BABAM2: variants seen among roughly 807,000 people sequenced by gnomAD.
BABAM2 encodes the protein BRISC and BRCA1-A complex member 2.
Under a neutral mutation model 54.7 loss-of-function variants are expected in BABAM2, and 31 were observed. The ratio of observed to expected loss-of-function variants is 0.57; its 90% CI spans 0.43 to 0.77. The LOEUF is 0.77. Among genes scored for constraint, BABAM2 ranks in the 30% least tolerant of loss-of-function variants. BABAM2 has a pLI of 0.00. For missense variants in BABAM2, 364 were observed against 455.8 expected, an observed-to-expected ratio of 0.80 and a Z score of 1.83; for synonymous variants, 167 against 162.9, an observed-to-expected ratio of 1.03 and a Z score of -0.19.
chr2:27,892,747 A>G (rs1664962299), intron 1 of BABAM2, among the ~76,000 whole-genome samples: 1 of 152,168 alleles, frequency 6.6e-6, no homozygotes, highest in Non-Finnish European at 1.5e-5. Flanking sequence ...AAAAAAGTAC[A>G]TGATTTTTAT....
At chr2:28,031,796 G>A (rs1035650448) in intron 5 of BABAM2, among the ~76,000 whole-genome samples, 3 of 152,174 alleles carry the variant, frequency 2.0e-5, no homozygotes, top group African/African-American at 4.8e-5. Flanking sequence ...GAAGGTGGAC[G>A]TAGATGGCTC....
At chr2:28,028,608 T>C (rs1174082628) in intron 5 of BABAM2, among the ~76,000 whole-genome samples, 1 of 152,222 alleles carries the variant, frequency 6.6e-6, no homozygotes, top group Non-Finnish European at 1.5e-5. Context: ...TTCCACTTCA[T>C]TGGTATTCCA....
chr2:27,890,178 C>G (rs959210944), upstream of BABAM2: 2 of 1,414,862 alleles, frequency 1.4e-6, no homozygotes, highest in Non-Finnish European at 2.0e-6. The surrounding 1 kb of genome is among the most constrained non-coding windows in gnomAD (Gnocchi z 4.8). Context: ...ACCCAGCGCC[C>G]AAAAGCTCCA....
At chr2:28,166,403 A>G (rs1386563343) in intron 7 of BABAM2, among the ~76,000 whole-genome samples, 1 of 152,178 alleles carries the variant, frequency 6.6e-6, no homozygotes, top group Non-Finnish European at 1.5e-5. Flanking sequence ...TATCCTATCA[A>G]CCAAAATAGT....
At chr2:27,920,097 C>T (rs1384932789) in intron 2 of BABAM2, among the ~76,000 whole-genome samples, 2 of 152,054 alleles carry the variant, frequency 1.3e-5, no homozygotes, top group Non-Finnish European at 2.9e-5. Context: ...CTTGATGTAT[C>T]AAGAATATCA....
chr2:28,121,953 G>T (rs919725415), intron 6 of BABAM2, among the ~76,000 whole-genome samples: 1 of 152,090 alleles, frequency 6.6e-6, no homozygotes, highest in Non-Finnish European at 1.5e-5. Flanking sequence ...AGTGACTCAC[G>T]CCTGTAATCC....
chr2:28,090,896 G>C (rs781275486), intron 6 of BABAM2, among the ~76,000 whole-genome samples: 3 of 152,064 alleles, frequency 2.0e-5, no homozygotes, highest in African/African-American at 4.8e-5. Flanking sequence ...CTGAAAATTA[G>C]GATACATTAT....
chr2:28,170,242 C>CATGCATGT (rs1344692423), intron 7 of BABAM2, among the ~76,000 whole-genome samples: 1 of 151,938 alleles, frequency 6.6e-6, no homozygotes, highest in African/African-American at 2.4e-5. Flanking sequence ...ATAATATATA[C>CATGCATGT]ATGCATGTGC....
upstream of BABAM2, among the ~76,000 whole-genome samples, chr2:27,889,649 T>C (rs942298372): frequency 6.6e-6 from 1 of 152,238 alleles, no homozygotes; most frequent in Non-Finnish European, 1.5e-5. Flanking sequence ...TTGTAAATAC[T>C]GTGTTTATGT....
chr2:28,152,499 T>C (rs1307849725), intron 7 of BABAM2, among the ~76,000 whole-genome samples: 2 of 152,158 alleles, frequency 1.3e-5, no homozygotes, highest in African/African-American at 4.8e-5. Flanking sequence ...CAGGAGCTGA[T>C]AACGGGAAGG....
intron 7 of BABAM2, among the ~76,000 whole-genome samples, chr2:28,224,311 T>C (rs185605218): frequency 2.2e-3 from 338 of 152,300 alleles, no homozygotes; most frequent in Admixed American, 6.5e-3. Flanking sequence ...CTTATTGTTG[T>C]CCCTAAATGG....
intron 6 of BABAM2, among the ~76,000 whole-genome samples, chr2:28,125,279 TTTTTA>T (rs1376283764): frequency 6.6e-6 from 1 of 151,980 alleles, no homozygotes; most frequent in Non-Finnish European, 1.5e-5. Flanking sequence ...TATTTTGTTA[TTTTTA>T]TTTTATTTTA....
intron 11 of BABAM2, chr2:28,327,281 C>T: frequency 6.2e-7 from 1 of 1,601,954 alleles, no homozygotes; most frequent in Non-Finnish European, 8.5e-7. Context: ...CAGGGGATGC[C>T]AAGGGAGCAG....
At chr2:28,313,596 C>T (rs749578977) in intron 11 of BABAM2, among the ~76,000 whole-genome samples, 3 of 152,156 alleles carry the variant, frequency 2.0e-5, no homozygotes, top group Non-Finnish European at 4.4e-5. Flanking sequence ...CCTTGACACT[C>T]GGAAGAACAG....
intron 6 of BABAM2, among the ~76,000 whole-genome samples, chr2:28,119,217 T>C (rs1430843428): frequency 6.6e-6 from 1 of 152,160 alleles, no homozygotes; most frequent in African/African-American, 2.4e-5. Context: ...ATACTTTAAG[T>C]AAGCCCAGAG....
In BABAM2 at chr2:28,329,893, A is replaced by G. The variant is rs1690798882; in HGVS notation, c.1089-8557A>G. Among the ~76,000 whole-genome samples, 1 of 152,240 alleles carries G rather than the reference A, an allele frequency of 6.6e-6. No homozygotes were observed. On this transcript the variant is annotated intron_variant, in intron 11 of 11. Coordinates refer to ENST00000379624, the MANE Select transcript of BABAM2 (RefSeq NM_199191.3). The surrounding 1 kb of genome is among the most constrained non-coding windows in gnomAD (Gnocchi z 4.2). ...AGATACAACAAAAAAAGAAAATGTC[A>G]GGCCAATACTCCTGATGAACATCAG...
chr2:28,205,329 G>A (rs1306540555), intron 7 of BABAM2, among the ~76,000 whole-genome samples: 2 of 151,704 alleles, frequency 1.3e-5, no homozygotes, highest in African/African-American at 2.4e-5. Flanking sequence ...GTAAAACCCC[G>A]TCTCTACTAA....
In BABAM2 at chr2:28,025,258, A is replaced by G. The variant is rs751006976; in HGVS notation, c.333A>G (p.Glu111=). ...NLASWNPSNP[E]CLLLVVKELV... ...CCTCCTGGAATCCTTCAAATCCTGA[A>G]TGTCTCTTACTTGTGGTGAAGGAAC... The change falls in exon 5 of 12, where the codon GAA becomes GAG. Residue 111 remains glutamate (E), a synonymous_variant. Transcript: ENST00000379624. 1 of 1,599,252 alleles carries G rather than the reference A, an allele frequency of 6.3e-7. No homozygotes were observed. Among genetic ancestry groups the G allele is most frequent in the Non-Finnish European group, 8.5e-7 (1 of 1,176,258 alleles).
intron 7 of BABAM2, among the ~76,000 whole-genome samples, chr2:28,147,175 A>T (rs1396025242): frequency 2.0e-5 from 3 of 152,206 alleles, no homozygotes; most frequent in Non-Finnish European, 4.4e-5. Context: ...CGAAGGTTAC[A>T]GTAGGTGCCA....
Sources: allele counts gnomAD v4.1 joint callset (sites outside exome capture counted in the v4.1 genomes callset), GRCh38; gene constraint gnomAD v4.1.1; non-coding constraint Gnocchi (gnomAD v3.1); transcripts MANE v1.5; gene names NCBI Gene and HGNC (gene_info 2026-07-23, HGNC 2026-07-21).